Variants in ZDHHC7 observed in about 807,000 individuals in gnomAD.
The protein encoded by ZDHHC7 is zDHHC palmitoyltransferase 7, also known as palmitoyltransferase ZDHHC7.
A neutral mutation model predicts 34.1 loss-of-function variants in ZDHHC7; 12 were observed. The observed-to-expected ratio is 0.35, with a 90% CI of 0.23 to 0.57. The LOEUF (loss-of-function observed/expected upper bound fraction) is 0.57. Ranked by LOEUF, ZDHHC7 falls within the 20% of genes least tolerant of loss-of-function variation. ZDHHC7 has a pLI of 0.84. For missense variants in ZDHHC7, 388 were observed against 402.7 expected, an observed-to-expected ratio of 0.96 and a Z score of 0.31; for synonymous variants, 185 against 155.4, an observed-to-expected ratio of 1.19 and a Z score of -1.42.
At position 84,992,172 on chromosome 16, in the gene ZDHHC7, G is replaced by C. The variant is rs2072518741; in HGVS notation, c.-17-1537C>G. ...CTCAGTCTCAAAAAAAAAAAGAAAA[G>C]AAAAGAAAAAAGTGGGTCAGGTGCG... On this transcript the variant is annotated intron_variant, in intron 2 of 7. Transcript: ENST00000313732. Among the ~76,000 whole-genome samples, 12 of 149,510 alleles carry C rather than the reference G, an allele frequency of 8.0e-5. No individual in the cohort carries two copies. The South Asian group carries it at 2.3e-3, about 29-fold the overall frequency.
chr16:84,995,518 A>C (rs1429058281), intron 2 of ZDHHC7, among the ~76,000 whole-genome samples: 1 of 152,096 alleles, frequency 6.6e-6, no homozygotes, highest in Non-Finnish European at 1.5e-5. Context: ...CCCAGCTACT[A>C]GGGAGGCTGA....
At chr16:84,980,720 A>G (rs550982323) in intron 4 of ZDHHC7, among the ~76,000 whole-genome samples, 50 of 152,322 alleles carry the variant, frequency 3.3e-4, no homozygotes, top group Admixed American at 7.2e-4. Flanking sequence ...TTTGCAATGT[A>G]CAATTCAATG....
chr16:84,978,062 G>A, intron 5 of ZDHHC7, 57 bp from the exon 6 acceptor site: 1 of 1,420,868 alleles, frequency 7.0e-7, no homozygotes, highest in African/African-American at 1.4e-5. Context: ...TTTAGAAACA[G>A]AGTCTCCCTC....
intron 3 of ZDHHC7, among the ~76,000 whole-genome samples, chr16:84,989,932 T>C (rs2072486374): frequency 6.6e-6 from 1 of 152,144 alleles, no homozygotes; most frequent in African/African-American, 2.4e-5. Context: ...CTCCGAGCTC[T>C]GTGGGAAGCC....
rs760082855 is a variant in ZDHHC7 at position 84,976,513 on chromosome 16, C to A, written c.757G>T (p.Glu253Ter). ...GTGGGCTTCTCACTTTTCAATCGCT[C>A]GATCTCCTGGAAGCAGAAAGAAAAG... ...HSICNDETEI[E>*]RLKSEKPTWE... is the part of the protein sequence containing the mutation. Residue 253 changes from glutamate (E) to a stop codon, truncating the protein, a stop_gained, in exon 8 of 8, where the codon GAG becomes TAG. Coordinates refer to ENST00000313732, the MANE Select transcript of ZDHHC7 (RefSeq NM_017740.3). LOFTEE classifies it high-confidence loss of function. The A allele has an allele frequency of 6.2e-7, 1 of 1,613,328 alleles. No individual in the cohort carries two copies.
intron 1 of ZDHHC7, among the ~76,000 whole-genome samples, chr16:84,997,492 C>T (rs2072595291): frequency 6.7e-6 from 1 of 149,574 alleles, no homozygotes; most frequent in South Asian, 2.2e-4. Context: ...AGAATGGTCT[C>T]GATCTCCTGA....
In ZDHHC7 at chr16:84,977,245, G is replaced by T; in HGVS notation, c.620-20C>A. 1 of 1,613,372 alleles carries T rather than the reference G, an allele frequency of 6.2e-7. No individual in the cohort carries two copies. On this transcript the variant is annotated intron_variant, in intron 6 of 7. Transcript: ENST00000313732. ...TGCATTCTGCGGACAAGAGGAAGTT[G>T]GTTATAACTGGTCCTGAATACCCCG...
At chr16:85,027,586 TACCC>T in the ZDHHC7 span, among the ~76,000 whole-genome samples, 1 of 152,050 alleles carries the variant, frequency 6.6e-6, no homozygotes, top group African/African-American at 2.4e-5. Flanking sequence ...GCGCCGGGCG[TACCC>T]GAGAGCGCTC....
intron 2 of ZDHHC7, 84 bp from the exon 3 acceptor site, chr16:84,990,719 G>A (rs1218294355): frequency 8.5e-7 from 1 of 1,180,716 alleles, no homozygotes; most frequent in Non-Finnish European, 1.2e-6. Flanking sequence ...GTTTGTCCTT[G>A]GCCATTTCAT....
chr16:84,993,385 A>G (rs987843861), intron 2 of ZDHHC7, among the ~76,000 whole-genome samples: 2 of 152,118 alleles, frequency 1.3e-5, no homozygotes, highest in Non-Finnish European at 2.9e-5. Context: ...TAATCTCAGC[A>G]CTTTAGGAGG....
At chr16:84,979,396 C>T (rs2072337713) in intron 4 of ZDHHC7, 111 bp from the exon 5 acceptor site, 2 of 1,401,994 alleles carry the variant, frequency 1.4e-6, no homozygotes, top group South Asian at 2.8e-5. Context: ...TCTAATACAA[C>T]ATGTCAAAAA....
intron 1 of ZDHHC7, among the ~76,000 whole-genome samples, chr16:85,008,721 T>C (rs1046128959): frequency 1.3e-5 from 2 of 151,374 alleles, no homozygotes; most frequent in Non-Finnish European, 2.9e-5. Flanking sequence ...AATGACAGTT[T>C]TGACTTTATG....
chr16:84,978,141 G>A (rs911338595), intron 5 of ZDHHC7, 136 bp from the exon 6 acceptor site: 7 of 587,096 alleles, frequency 1.2e-5, no homozygotes, highest in Admixed American at 6.6e-5. Context: ...AGACTCAAGC[G>A]ATTCTCCTGC....
chr16:85,017,326 C>A, the ZDHHC7 span, among the ~76,000 whole-genome samples: 2 of 152,184 alleles, frequency 1.3e-5, no homozygotes, highest in East Asian at 3.8e-4. Flanking sequence ...AGTATCCAGA[C>A]ACCCACTAGA....
chr16:85,009,408 A>T (rs2143761703), intron 1 of ZDHHC7, among the ~76,000 whole-genome samples: 1 of 152,036 alleles, frequency 6.6e-6, no homozygotes, highest in Non-Finnish European at 1.5e-5. Context: ...CTTGAAGAGG[A>T]TTTGTTTTTA....
At chr16:85,010,271 C>A (rs2072773153) in intron 1 of ZDHHC7, among the ~76,000 whole-genome samples, 1 of 152,116 alleles carries the variant, frequency 6.6e-6, no homozygotes, top group Non-Finnish European at 1.5e-5. Flanking sequence ...ATCCTCCTGC[C>A]TCAGCCTCCC....
chr16:84,990,578 T>C lies in ZDHHC7; in HGVS notation c.41A>G (p.His14Arg). The change falls in exon 3 of 8, where the codon CAT (histidine) becomes CGT (arginine). Residue 14 changes from histidine (H) to arginine (R), a missense_variant. Physicochemically the swap from His to Arg is conservative, Grantham distance 29. Transcript: ENST00000313732. The part of the protein sequence containing the change: ...SGHRLRDVEH[H>R]PLLAENDNYD... Reference sequence around the variant, plus strand: ...GTTGTCATTTTCAGCCAGGAGAGGATGATGCTCGACGTCCCGGAGCCTGTG... The same window carrying C: ...GTTGTCATTTTCAGCCAGGAGAGGACGATGCTCGACGTCCCGGAGCCTGTG... 1 of 1,614,026 alleles carries C rather than the reference T, an allele frequency of 6.2e-7. No individual in the cohort carries two copies. The highest frequency in any genetic ancestry group is 8.5e-7 in the Non-Finnish European group (1 of 1,180,030).
chr16:84,988,725 C>T (rs1841125607), intron 3 of ZDHHC7: 1 of 1,540,952 alleles, frequency 6.5e-7, no homozygotes, highest in African/African-American at 1.4e-5. Flanking sequence ...GACTCCCAGC[C>T]AGGCTGACCC....
intron 1 of ZDHHC7, among the ~76,000 whole-genome samples, chr16:85,005,573 C>T (rs145185044): frequency 1.3e-5 from 2 of 152,298 alleles, no homozygotes; most frequent in African/African-American, 2.4e-5. Context: ...TTCCAAAGCC[C>T]GTGTTCTTCC....
Sources: allele counts gnomAD v4.1 joint callset (sites outside exome capture counted in the v4.1 genomes callset), GRCh38; gene constraint gnomAD v4.1.1; transcripts MANE v1.5; gene names NCBI Gene and HGNC (gene_info 2026-07-23, HGNC 2026-07-21).